The following PRH1 variants were observed in gnomAD, a reference collection of about 807,000 sequenced individuals.
PRH1 encodes salivary acidic proline-rich phosphoprotein 1/2.
In PRH1, 7 loss-of-function variants were observed where a neutral mutation model predicts 7.9. The ratio of observed to expected loss-of-function variants is 0.89; its 90% CI spans 0.50 to 1.67. The LOEUF (loss-of-function observed/expected upper bound fraction) is 1.67, where lower values mean the gene tolerates loss of function less well. Ranked by LOEUF, PRH1 falls within the 40% of genes most tolerant of loss-of-function variation. The pLI is 0.00. For synonymous variants in PRH1, 45 were observed against 80.8 expected (o/e 0.56, Z 2.38); for missense variants, 109 against 223.6 (o/e 0.49, Z 3.27).
intron 1 of PRH1, among the ~76,000 whole-genome samples, chr12:11,021,221 A>G (rs1480637922): frequency 6.6e-6 from 1 of 152,212 alleles, no homozygotes; most frequent in East Asian, 1.9e-4. Flanking sequence ...CATTCTTATC[A>G]TTGATTTAAA....
intron 2 of PRH1, among the ~76,000 whole-genome samples, chr12:10,963,053 A>G (rs1266785626): frequency 1.3e-5 from 2 of 152,214 alleles, no homozygotes; most frequent in African/African-American, 4.8e-5. Context: ...TATAGGCGTG[A>G]GCCACCGACC....
rs149880565 is a variant in PRH1 at position 11,069,925 on chromosome 12, T to C, written n.124-22737A>G. ...TATTCAGAATGTATTTATATGATGC[T>C]TTCTCAAAGACCTGCAGCCATTTCC... On this transcript the variant is annotated intron_variant and non_coding_transcript_variant, in intron 1 of 4. Coordinates refer to the PRH1 transcript ENST00000541977. 9.4e-3 allele frequency among the ~76,000 whole-genome samples: 1,393 copies of C among 148,676 alleles called. 24 individuals are homozygous for C. The highest frequency in any genetic ancestry group is 0.037 in the East Asian group (189 of 5,122).
At chr12:10,921,562 T>G (rs1321673302) in intron 2 of PRH1, among the ~76,000 whole-genome samples, 1 of 152,226 alleles carries the variant, frequency 6.6e-6, no homozygotes, top group Non-Finnish European at 1.5e-5. Flanking sequence ...TTGAATTTCC[T>G]AATCTTTAAA....
At chr12:11,058,171 G>A (rs191893950) in intron 1 of PRH1, among the ~76,000 whole-genome samples, 2 of 152,292 alleles carry the variant, frequency 1.3e-5, no homozygotes, top group African/African-American at 2.4e-5. Flanking sequence ...AGAAGGTTGA[G>A]GCTGCAATGA....
chr12:11,128,978 A>G (rs1226264180), intron 1 of PRH1, among the ~76,000 whole-genome samples: 2 of 152,092 alleles, frequency 1.3e-5, no homozygotes, highest in East Asian at 1.9e-4. Context: ...GCTGGAGTAC[A>G]GTGGCACAAT....
chr12:11,168,749 A>T (rs1268862818), intron 1 of PRH1, among the ~76,000 whole-genome samples: 2 of 152,242 alleles, frequency 1.3e-5, no homozygotes, highest in Non-Finnish European at 1.5e-5. Flanking sequence ...ACAGTACATG[A>T]TAAAAAGAAA....
chr12:10,993,628 G>T (rs1408525693), intron 1 of PRH1, among the ~76,000 whole-genome samples: 3 of 151,364 alleles, frequency 2.0e-5, no homozygotes, highest in Admixed American at 6.6e-5. Context: ...TATTTGTTGG[G>T]CCTACTGGGA....
intron 2 of PRH1, among the ~76,000 whole-genome samples, chr12:10,905,097 G>C (rs1407303629): frequency 1.3e-5 from 2 of 151,694 alleles, no homozygotes; most frequent in African/African-American, 4.8e-5. Flanking sequence ...AATTACGTCA[G>C]CCACTGTAGA....
At chr12:11,093,066 A>G (rs146658776) in intron 1 of PRH1, among the ~76,000 whole-genome samples, 2,862 of 116,270 alleles carry the variant, frequency 0.025, 825 homozygotes, top group South Asian at 0.036. Flanking sequence ...GGACATATTC[A>G]CTTTCAGTGT....
intron 1 of PRH1, among the ~76,000 whole-genome samples, chr12:11,069,943 C>A (rs1186844750): frequency 8.3e-6 from 1 of 120,870 alleles, no homozygotes; most frequent in African/African-American, 2.8e-5. Flanking sequence ...AGACCTGCAG[C>A]CATTTCCTAG....
At chr12:10,986,395 C>T (rs1194918080) in intron 1 of PRH1, 1 of 1,614,012 alleles carries the variant, frequency 6.2e-7, no homozygotes, top group East Asian at 2.2e-5. Flanking sequence ...TCATATTCTT[C>T]TGCCCACATA....
chr12:11,045,281 G>A (rs948178488), intron 1 of PRH1, among the ~76,000 whole-genome samples: 1 of 149,106 alleles, frequency 6.7e-6, no homozygotes, highest in Admixed American at 6.7e-5. Flanking sequence ...AAAGGTAGTG[G>A]AGGCTAAAGG....
At chr12:10,992,016 T>TA (rs1939958604) in intron 1 of PRH1, among the ~76,000 whole-genome samples, 3 of 152,132 alleles carry the variant, frequency 2.0e-5, no homozygotes. Context: ...CTTTGCTAAA[T>TA]AATTATAAAC....
rs1468057609 is a variant in PRH1 at position 11,085,079 on chromosome 12, C to T, written n.124-37891G>A. On this transcript the variant is annotated intron_variant and non_coding_transcript_variant, in intron 1 of 4. Coordinates refer to the PRH1 transcript ENST00000541977. ...TCGTGATCCACCCACCTTGGCCTCC[C>T]GAAGTGCTGGGATTACAGCTATCAG... 5.1e-5 allele frequency among the ~76,000 whole-genome samples: 5 copies of T among 98,802 alleles called. 1 individual carries two copies. Among genetic ancestry groups the T allele is most frequent in the Non-Finnish European group, 7.3e-5 (3 of 41,288 alleles). The allele number at this position is 98,802 out of a possible 152,430, so 64.8% of individuals were successfully genotyped here.
downstream of PRH1, among the ~76,000 whole-genome samples, chr12:11,119,954 G>GA (rs1313828114): frequency 6.6e-6 from 1 of 152,192 alleles, no homozygotes; most frequent in Non-Finnish European, 1.5e-5. Flanking sequence ...AAACATGGGA[G>GA]TTTTGTATGC....
chr12:10,947,184 A>G (rs563378927), intron 2 of PRH1, among the ~76,000 whole-genome samples: 8 of 152,114 alleles, frequency 5.3e-5, no homozygotes, highest in Non-Finnish European at 8.8e-5. Flanking sequence ...AAATATCTTC[A>G]TTAATTTTCT....
rs576324494 is a variant in PRH1 at position 10,890,191 on chromosome 12, C to T, written c.-58-5916G>A. Among the ~76,000 whole-genome samples the T allele has an allele frequency of 3.9e-5, 6 of 152,254 alleles. 1 individual carries two copies. The highest frequency in any genetic ancestry group is 1.2e-4 in the African/African-American group (5 of 41,556). ...GCACTCATGGTAAATTATGCTCCAC[C>T]AACTGGCTCAAATGGCCAGGGAGTT... On this transcript the variant is annotated intron_variant, in intron 2 of 3. Transcript: ENST00000539853.
chr12:10,961,812 T>C (rs1349463114), intron 2 of PRH1, among the ~76,000 whole-genome samples: 2 of 152,200 alleles, frequency 1.3e-5, no homozygotes, highest in East Asian at 3.8e-4. Context: ...CCTCTCTCGC[T>C]TCCATGGACT....
chr12:11,152,222 T>TCCCTTCA (rs71055092), intron 1 of PRH1, among the ~76,000 whole-genome samples: 1 of 122,544 alleles, frequency 8.2e-6, no homozygotes. Context: ...CCTAATGCTA[T>TCCCTTCA]CCCTCCCCCC....
Sources: allele counts gnomAD v4.1 joint callset (sites outside exome capture counted in the v4.1 genomes callset), GRCh38; gene constraint gnomAD v4.1.1; transcripts MANE v1.5; gene names NCBI Gene and HGNC (gene_info 2026-07-23, HGNC 2026-07-21).